UNC13C: variants seen among roughly 807,000 people sequenced by gnomAD.
UNC13C encodes unc-13 homolog C.
In UNC13C, 174 loss-of-function variants were observed where a neutral mutation model predicts 245.4. The observed-to-expected ratio is 0.71, with a 90% CI of 0.63 to 0.80. UNC13C has a LOEUF of 0.80. Ranked by LOEUF, UNC13C falls within the 30% of genes least tolerant of loss-of-function variation. The pLI is 0.00. For synonymous variants in UNC13C, 992 were observed against 895.1 expected (o/e 1.11, Z -1.93); for missense variants, 2,829 against 2,602.9 (o/e 1.09, Z -1.89).
chr15:54,247,184 G>C (rs2036013704), intron 7 of UNC13C, among the ~76,000 whole-genome samples: 1 of 152,022 alleles, frequency 6.6e-6, no homozygotes, highest in South Asian at 2.1e-4. Flanking sequence ...CCTTCAATCT[G>C]ATTCCTAATG....
At chr15:54,081,409 G>T (rs1345900456) in intron 2 of UNC13C, among the ~76,000 whole-genome samples, 1 of 151,990 alleles carries the variant, frequency 6.6e-6, no homozygotes, top group African/African-American at 2.4e-5. Context: ...CACTATTATT[G>T]TATGGCTGTC....
the UNC13C span, among the ~76,000 whole-genome samples, chr15:53,930,231 C>T: frequency 3.3e-5 from 5 of 152,154 alleles, no homozygotes; most frequent in Non-Finnish European, 7.3e-5. Context: ...CCTCTCTCTT[C>T]CTCATAGCAC....
chr15:54,403,548 CTACAAAAAAA>C (rs1366656423), intron 18 of UNC13C, among the ~76,000 whole-genome samples: 2 of 151,678 alleles, frequency 1.3e-5, no homozygotes, highest in Non-Finnish European at 1.5e-5. Flanking sequence ...GACCCCGTCT[CTACAAAAAAA>C]TACAAAAATT....
At chr15:54,598,384 C>G (rs534652518) in intron 30 of UNC13C, among the ~76,000 whole-genome samples, 1 of 152,202 alleles carries the variant, frequency 6.6e-6, no homozygotes, top group South Asian at 2.1e-4. Flanking sequence ...CATGAGCCAC[C>G]GCGCCCAGCC....
At chr15:54,293,498 T>C (rs2037354588) in intron 10 of UNC13C, among the ~76,000 whole-genome samples, 1 of 152,022 alleles carries the variant, frequency 6.6e-6, no homozygotes, top group Non-Finnish European at 1.5e-5. Flanking sequence ...AAGTCCACAT[T>C]CTCAACACCC....
At chr15:54,288,632 TA>T (rs2037211744) in intron 10 of UNC13C, among the ~76,000 whole-genome samples, 1 of 151,616 alleles carries the variant, frequency 6.6e-6, no homozygotes, top group South Asian at 2.1e-4. Flanking sequence ...TGCATAAAAC[TA>T]AAAAAGGGAA....
intron 4 of UNC13C, among the ~76,000 whole-genome samples, chr15:54,176,558 T>G (rs2033622985): frequency 6.6e-6 from 1 of 152,128 alleles, no homozygotes; most frequent in Admixed American, 6.5e-5. Flanking sequence ...GTTGAATGAC[T>G]GAAATCCTTT....
rs1893468114 is a variant in UNC13C, at chr15:54,487,362, T to TAAG, written c.4934-7244_4934-7242dup. Among the ~76,000 whole-genome samples the TAAG allele has an allele frequency of 2.0e-5, 3 of 152,324 alleles. 1 individual carries two copies. In the South Asian group the frequency reaches 6.2e-4, roughly 32 times the overall value. ...TTTGCTTTTTTTCCTGGTATTTTGC[T>TAAG]AAGATTTAATAACAGAAATGTGTCA... On this transcript the variant is annotated intron_variant, in intron 19 of 32. Transcript: ENST00000260323.
rs2037366626 is a variant in UNC13C at position 54,293,959 on chromosome 15, T to G, written c.3883T>G (p.Ser1295Ala). The G allele has an allele frequency of 3.8e-6, 6 of 1,592,848 alleles. No individual in the cohort carries two copies. Among genetic ancestry groups the G allele is most frequent in the Non-Finnish European group, 5.1e-6 (6 of 1,170,712 alleles). ...RVWDEDDDIK[S>A]RVKQHFKKES... ...ATGGGATGAAGATGATGATATTAAATCCAGAGTCAAGCAACATTTCAAAAA... is the reference window on the plus strand; with the variant it reads ...ATGGGATGAAGATGATGATATTAAAGCCAGAGTCAAGCAACATTTCAAAAA... Residue 1295 changes from serine to alanine, a missense_variant, in exon 11 of 33, where the codon TCC becomes GCC. Transcript: ENST00000260323.
At chr15:54,548,905 C>T (rs928889684) in intron 27 of UNC13C, among the ~76,000 whole-genome samples, 1 of 152,122 alleles carries the variant, frequency 6.6e-6, no homozygotes, top group Non-Finnish European at 1.5e-5. Flanking sequence ...AAATTAACCA[C>T]GGTCACTATT....
chr15:54,430,528 G>T (rs2040850801), intron 19 of UNC13C, among the ~76,000 whole-genome samples: 1 of 151,344 alleles, frequency 6.6e-6, no homozygotes, highest in African/African-American at 2.4e-5. Context: ...AAACTCATTA[G>T]CCTGTTAAGC....
the UNC13C span, among the ~76,000 whole-genome samples, chr15:53,945,093 A>G: frequency 6.6e-6 from 1 of 152,022 alleles, no homozygotes; most frequent in Non-Finnish European, 1.5e-5. Flanking sequence ...TCCTTTGCCC[A>G]TGTGTTAATG....
At chr15:54,560,118 A>T (rs577994983) in intron 29 of UNC13C, among the ~76,000 whole-genome samples, 3 of 152,018 alleles carry the variant, frequency 2.0e-5, no homozygotes, top group African/African-American at 7.2e-5. Context: ...GTGGGTTATG[A>T]TTATATCTAA....
chr15:54,101,542 A>G (rs1256132679), intron 2 of UNC13C, among the ~76,000 whole-genome samples: 1 of 152,112 alleles, frequency 6.6e-6, no homozygotes, highest in Admixed American at 6.5e-5. Context: ...CAAGTGTTGG[A>G]GAGACATGGA....
chr15:54,613,888 G>T (rs999708341), intron 30 of UNC13C, among the ~76,000 whole-genome samples: 1 of 151,880 alleles, frequency 6.6e-6, no homozygotes, highest in Non-Finnish European at 1.5e-5. Flanking sequence ...AGATCTTTCC[G>T]TTATGGAGCT....
chr15:54,106,326 A>G (rs1900443068), intron 2 of UNC13C, among the ~76,000 whole-genome samples: 1 of 152,208 alleles, frequency 6.6e-6, no homozygotes, highest in Admixed American at 6.5e-5. Context: ...ATGAATCATT[A>G]CTGATGTTCA....
the UNC13C span, among the ~76,000 whole-genome samples, chr15:53,890,490 G>A: frequency 6.6e-6 from 1 of 152,122 alleles, no homozygotes; most frequent in African/African-American, 2.4e-5. Context: ...AATCCATCTG[G>A]TCCTGGACTT....
chr15:54,497,638 G>A (rs1022996665), intron 20 of UNC13C, among the ~76,000 whole-genome samples: 1 of 152,096 alleles, frequency 6.6e-6, no homozygotes, highest in African/African-American at 2.4e-5. Context: ...TCATAGTGCT[G>A]AAGGGACAAA....
chr15:54,507,739 G>A (rs983556502), intron 23 of UNC13C, among the ~76,000 whole-genome samples: 2 of 151,812 alleles, frequency 1.3e-5, no homozygotes, highest in Non-Finnish European at 2.9e-5. Context: ...AAAGGTATTT[G>A]AAATATAGTA....
Sources: allele counts gnomAD v4.1 joint callset (sites outside exome capture counted in the v4.1 genomes callset), GRCh38; gene constraint gnomAD v4.1.1; transcripts MANE v1.5; gene names NCBI Gene and HGNC (gene_info 2026-07-23, HGNC 2026-07-21).